The following MESP1 variants were observed in gnomAD, a reference collection of about 807,000 sequenced individuals.
MESP1 encodes the protein mesoderm posterior bHLH transcription factor 1, also known as mesoderm posterior protein 1.
A neutral mutation model predicts 15.2 loss-of-function variants in MESP1; 22 were observed. That is an observed-to-expected ratio of 1.45 (90% CI 1.04 to 2.07). The LOEUF (loss-of-function observed/expected upper bound fraction) is 2.07, where lower values mean the gene tolerates loss of function less well. Among genes scored for constraint, MESP1 ranks in the 30% most tolerant of loss-of-function variants. MESP1 has a pLI of 0.00. For missense variants in MESP1, 484 were observed against 411.9 expected (o/e 1.17, Z -1.51); for synonymous variants, 216 against 192.6 (o/e 1.12, Z -1.01).
the MESP1 span, among the ~76,000 whole-genome samples, chr15:89,737,093 AG>A: frequency 6.6e-6 from 1 of 152,142 alleles, no homozygotes; most frequent in South Asian, 2.1e-4. Flanking sequence ...GCCCGGCCAA[AG>A]GGGACTTTCT....
At chr15:89,746,289 C>CCACACATT (rs1318853922), downstream of MESP1, among the ~76,000 whole-genome samples, 2 of 146,806 alleles carry the variant, frequency 1.4e-5, no homozygotes, top group Non-Finnish European at 3.0e-5. Context: ...ATCCACACCT[C>CCACACATT]CACACATTCA....
the MESP1 span, chr15:89,737,449 TG>T: frequency 1.5e-6 from 2 of 1,314,600 alleles, no homozygotes; most frequent in Non-Finnish European, 2.1e-6. Context: ...ATCCAGAGGC[TG>T]GGGCCCAAGA....
the MESP1 span, chr15:89,737,765 A>G: frequency 6.2e-7 from 1 of 1,612,184 alleles, no homozygotes; most frequent in East Asian, 2.2e-5. Context: ...CCCACTGACC[A>G]TTTCCCTGAC....
At chr15:89,743,670 T>G in the MESP1 span, 3 of 431,858 alleles carry the variant, frequency 6.9e-6, no homozygotes, top group Non-Finnish European at 4.3e-6. Context: ...TAACTCATCG[T>G]TCCCACGCAG....
At chr15:89,750,470 G>A (rs2305442) in intron 1 of MESP1, 39 bp downstream of exon 1, 399,021 of 1,472,930 alleles carry the variant, frequency 0.27, 56,325 homozygotes, top group Non-Finnish European at 0.29. Flanking sequence ...CTGTGCGCGG[G>A]GGCACGGACG....
chr15:89,736,263 T>C, the MESP1 span, among the ~76,000 whole-genome samples: 1 of 151,998 alleles, frequency 6.6e-6, no homozygotes, highest in African/African-American at 2.4e-5. Flanking sequence ...CTTGCAGAGG[T>C]GATTCCCCAG....
the MESP1 span, among the ~76,000 whole-genome samples, chr15:89,735,947 C>T: frequency 6.6e-5 from 10 of 152,150 alleles, no homozygotes; most frequent in Non-Finnish European, 1.2e-4. Context: ...GAGAGCACCA[C>T]GTGTCCCGGG....
At chr15:89,746,916 C>T (rs551323286), downstream of MESP1, among the ~76,000 whole-genome samples, 345 of 125,240 alleles carry the variant, frequency 2.8e-3, 4 homozygotes, top group African/African-American at 0.011. Context: ...GCCCCGCCTC[C>T]ACACACAGCC....
chr15:89,751,092 G>C lies in MESP1; in HGVS notation c.140C>G (p.Pro47Arg), dbSNP rs751200386. The part of the protein sequence containing the change: ...VSSPDSWGST[P>R]ADSPVASPAR... ...GGGGCTCGCCACGGGGCTGTCGGCTGGGGTGCTGCCCCATGAGTCTGGGGA... is the reference window on the plus strand; with the variant it reads ...GGGGCTCGCCACGGGGCTGTCGGCTCGGGTGCTGCCCCATGAGTCTGGGGA... Residue 47 changes from proline (P) to arginine (R), a missense_variant, in exon 1 of 2, where the codon CCA becomes CGA. Pro to Arg is a moderately radical substitution (Grantham distance 103). Coordinates refer to ENST00000300057, the MANE Select transcript of MESP1 (RefSeq NM_018670.4). The C allele has an allele frequency of 7.6e-7, 1 of 1,323,098 alleles. No individual in the cohort carries two copies. Among genetic ancestry groups the C allele is most frequent in the South Asian group, 2.4e-5 (1 of 42,462 alleles). The allele number at this position is 1,323,098 out of a possible 1,614,324, so 82.0% of individuals were successfully genotyped here. A position where few individuals can be genotyped will look rare whatever the true frequency, so the allele number is the denominator to read the frequency against.
the MESP1 span, among the ~76,000 whole-genome samples, chr15:89,733,806 A>G: frequency 6.6e-6 from 1 of 152,144 alleles, no homozygotes; most frequent in Non-Finnish European, 1.5e-5. Flanking sequence ...CCTTTGCTTT[A>G]TACATTATCC....
Position 89,750,139 on chromosome 15 carries a change from C to G in MESP1, c.*5G>C, listed in dbSNP as rs765152527. On this transcript the variant is annotated 3_prime_UTR_variant, in exon 2 of 2. Transcript: ENST00000300057. ...GCTCACAGAGACGGCGTCAGTTGTC[C>G]CTTGTCACTTGGGCTCCTCAGGCAG... is the stretch of plus-strand genomic sequence containing the variant. 3.1e-6 allele frequency: 5 copies of G among 1,613,680 alleles called. No homozygotes were observed. The highest frequency in any genetic ancestry group is 4.2e-6 in the Non-Finnish European group (5 of 1,179,874).
At position 89,750,043 on chromosome 15, in the gene MESP1, C is replaced by G; in HGVS notation, c.*101G>C. On this transcript the variant is annotated 3_prime_UTR_variant, in exon 2 of 2. Transcript: ENST00000300057. ...CAGGAATGCCCCCGTCGGGATCGCC[C>G]GTGCCCTCTTCCAGGAAAGGCAGTC... The G allele has an allele frequency of 8.4e-7, 1 of 1,187,656 alleles. No individual in the cohort carries two copies. Among genetic ancestry groups the G allele is most frequent in the Middle Eastern group, 1.9e-4 (1 of 5,208 alleles). 73.6% of individuals were successfully genotyped at this position (1,187,656 alleles called of 1,614,324 possible).
chr15:89,743,795 G>A, the MESP1 span, among the ~76,000 whole-genome samples: 4 of 152,128 alleles, frequency 2.6e-5, no homozygotes, highest in Non-Finnish European at 5.9e-5. Flanking sequence ...AAGACACCCC[G>A]CCCACCTGTT....
downstream of MESP1, among the ~76,000 whole-genome samples, chr15:89,747,796 G>A (rs1968000137): frequency 6.6e-6 from 1 of 152,234 alleles, no homozygotes; most frequent in Admixed American, 6.5e-5. Flanking sequence ...GGGTTACCTT[G>A]CAGCGGGGCT....
At chr15:89,749,773 G>A (rs1460898727), downstream of MESP1, 2 of 218,048 alleles carry the variant, frequency 9.2e-6, no homozygotes, top group Non-Finnish European at 1.9e-5. Flanking sequence ...GTGGGGGTCG[G>A]GGGGCTAAAG....
chr15:89,747,101 TACACACACACACACACACACACACAC>T (rs539868537), downstream of MESP1, among the ~76,000 whole-genome samples: 2 of 127,484 alleles, frequency 1.6e-5, no homozygotes, highest in African/African-American at 3.1e-5. Flanking sequence ...CACTGCCACA[TACACACACACACACACACACACACAC>T]ACACACACAC....
chr15:89,741,435 C>A, the MESP1 span, among the ~76,000 whole-genome samples: 3 of 152,066 alleles, frequency 2.0e-5, no homozygotes, highest in Non-Finnish European at 4.4e-5. Flanking sequence ...CCTATGTTGC[C>A]CAGGCTGGTC....
At chr15:89,748,210 G>C (rs188487492), downstream of MESP1, among the ~76,000 whole-genome samples, 1 of 152,018 alleles carries the variant, frequency 6.6e-6, no homozygotes, top group Admixed American at 6.5e-5. Flanking sequence ...CTTCTAAGCT[G>C]TGTCGGCTCC....
rs757124347 is a variant in MESP1, at chr15:89,750,845, A to G, written c.387T>C (p.Ala129=). ...CCGACAGGTGGCCGATATAGCGGATAGCCAGGCGCAGCGTCTCGATCTTGG... is the reference window on the plus strand; with the variant it reads ...CCGACAGGTGGCCGATATAGCGGATGGCCAGGCGCAGCGTCTCGATCTTGG... The part of the protein sequence containing the change: ...SLTKIETLRL[A]IRYIGHLSAV... Residue 129 remains alanine, a synonymous_variant, in exon 1 of 2, where the codon GCT becomes GCC. Transcript: ENST00000300057. 1.2e-5 allele frequency: 19 copies of G among 1,531,104 alleles called. No individual in the cohort carries two copies. In the African/African-American group the frequency reaches 1.4e-4, roughly 11 times the overall value. 94.8% of individuals were successfully genotyped at this position (1,531,104 alleles called of 1,614,324 possible). A position where few individuals can be genotyped will look rare whatever the true frequency, so the allele number is the denominator to read the frequency against.
Sources: allele counts gnomAD v4.1 joint callset (sites outside exome capture counted in the v4.1 genomes callset), GRCh38; gene constraint gnomAD v4.1.1; transcripts MANE v1.5; gene names NCBI Gene and HGNC (gene_info 2026-07-23, HGNC 2026-07-21).